Variants in NRXN3 observed in about 807,000 individuals in gnomAD.
The protein encoded by NRXN3 is neurexin 3.
NRXN3 carries 32 observed loss-of-function variants against 137.6 expected under a neutral mutation model. The ratio of observed to expected loss-of-function variants is 0.23; its 90% CI spans 0.18 to 0.31. NRXN3 has a LOEUF of 0.31. NRXN3 is among the 10% of genes least tolerant of loss of function. NRXN3 has a pLI of 1.00. For synonymous variants in NRXN3, 798 were observed against 784.5 expected (o/e 1.02, Z -0.29); for missense variants, 1,574 against 2,062.5 (o/e 0.76, Z 4.59).
chr14:79,276,503 C>T (rs2080296068), intron 15 of NRXN3, among the ~76,000 whole-genome samples: 4 of 151,988 alleles, frequency 2.6e-5, no homozygotes, highest in Admixed American at 2.6e-4. Context: ...TGACATTTTG[C>T]AAAAAGTAAA....
intron 16 of NRXN3, among the ~76,000 whole-genome samples, chr14:79,640,710 T>A (rs968202634): frequency 6.6e-5 from 9 of 136,030 alleles, no homozygotes; most frequent in African/African-American, 2.0e-4. Flanking sequence ...CGGCTTCATT[T>A]CAAGCATGGA....
At chr14:78,993,648 G>C (rs374822337) in intron 15 of NRXN3, among the ~76,000 whole-genome samples, 2 of 152,054 alleles carry the variant, frequency 1.3e-5, no homozygotes, top group East Asian at 3.9e-4. Flanking sequence ...TCATGAATAA[G>C]AGAGTTTTGT....
chr14:78,306,618 G>A (rs1300397554), intron 4 of NRXN3, among the ~76,000 whole-genome samples: 1 of 152,160 alleles, frequency 6.6e-6, no homozygotes, highest in African/African-American at 2.4e-5. Flanking sequence ...GTATATCTGA[G>A]TATAGGTACA....
At chr14:78,559,413 G>A (rs914122897) in intron 4 of NRXN3, among the ~76,000 whole-genome samples, 4 of 152,124 alleles carry the variant, frequency 2.6e-5, no homozygotes, top group Non-Finnish European at 5.9e-5. Flanking sequence ...CCACATCTTT[G>A]CATCTGTTCC....
At chr14:78,648,889 G>T (rs1225412212) in intron 5 of NRXN3, among the ~76,000 whole-genome samples, 1 of 152,088 alleles carries the variant, frequency 6.6e-6, no homozygotes, top group African/African-American at 2.4e-5. Context: ...GGTGGGAAGG[G>T]AGTGGGCGGT....
At chr14:78,188,849 A>G (rs979954819) in intron 1 of NRXN3, among the ~76,000 whole-genome samples, 1 of 152,092 alleles carries the variant, frequency 6.6e-6, no homozygotes, top group Non-Finnish European at 1.5e-5. Flanking sequence ...GTTATCAGTA[A>G]ATTATCTACT....
intron 19 of NRXN3, among the ~76,000 whole-genome samples, chr14:79,751,284 CACATCCCTTGT>C (rs2098996649): frequency 6.6e-6 from 1 of 152,138 alleles, no homozygotes. Flanking sequence ...AGAGGTCCTT[CACATCCCTTGT>C]AAGTTGGATT....
At chr14:79,066,662 C>G (rs994407931) in intron 15 of NRXN3, among the ~76,000 whole-genome samples, 1 of 151,328 alleles carries the variant, frequency 6.6e-6, no homozygotes, top group Non-Finnish European at 1.5e-5. Flanking sequence ...TTGTAATTCT[C>G]CTTAAAGAGT....
chr14:78,210,633 T>C (rs1253747063), intron 1 of NRXN3, among the ~76,000 whole-genome samples: 1 of 151,932 alleles, frequency 6.6e-6, no homozygotes, highest in Non-Finnish European at 1.5e-5. Context: ...AACATTTCCA[T>C]CACCCCCAAA....
At chr14:78,922,832 G>A (rs868488785) in intron 10 of NRXN3, among the ~76,000 whole-genome samples, 2 of 152,106 alleles carry the variant, frequency 1.3e-5, no homozygotes, top group South Asian at 2.1e-4. Context: ...AAACCTGCAT[G>A]TCCTGTACAT....
Position 79,853,439 on chromosome 14 carries a change from G to A in NRXN3, c.4094-7903G>A, listed in dbSNP as rs2099396090. On this transcript the variant is annotated intron_variant, in intron 20 of 20. Coordinates refer to ENST00000335750, the MANE Select transcript of NRXN3 (RefSeq NM_001330195.2). ...CATGTTGAAGAAGTTGCAGCTTAGG[G>A]TGTGTGAGATTGTCAGTGTTAGAGT... 4 of 383,204 alleles carry A rather than the reference G, an allele frequency of 1.0e-5. No individual in the cohort carries two copies. In the South Asian group the frequency reaches 1.1e-4, roughly 11 times the overall value. The allele number at this position is 383,204 out of a possible 1,614,324, so 23.7% of individuals were successfully genotyped here. A position where few individuals can be genotyped will look rare whatever the true frequency, so the allele number is the denominator to read the frequency against.
chr14:79,505,070 C>T (rs2096864022), intron 16 of NRXN3, among the ~76,000 whole-genome samples: 1 of 152,036 alleles, frequency 6.6e-6, no homozygotes, highest in African/African-American at 2.4e-5. Context: ...CAAAAATTAG[C>T]CAGGTGTGGT....
chr14:78,556,619 G>A (rs2096739145), intron 4 of NRXN3, among the ~76,000 whole-genome samples: 2 of 152,100 alleles, frequency 1.3e-5, no homozygotes, highest in Admixed American at 1.3e-4. Context: ...TCATTTCCAT[G>A]CACCTGCATT....
chr14:79,474,790 G>A (rs1399206834), intron 16 of NRXN3, among the ~76,000 whole-genome samples: 1 of 151,936 alleles, frequency 6.6e-6, no homozygotes, highest in African/African-American at 2.4e-5. Flanking sequence ...ATGCCACTTT[G>A]CATGAAAACA....
At chr14:79,127,315 C>G (rs896286340) in intron 15 of NRXN3, among the ~76,000 whole-genome samples, 1 of 152,066 alleles carries the variant, frequency 6.6e-6, no homozygotes, top group Non-Finnish European at 1.5e-5. Context: ...TTAGTTCTAA[C>G]GTTTAAGTCT....
chr14:78,560,547 C>T (rs990720896), intron 4 of NRXN3, among the ~76,000 whole-genome samples: 19 of 152,210 alleles, frequency 1.2e-4, no homozygotes, highest in African/African-American at 4.6e-4. Context: ...CTGGCCCTTC[C>T]AAGATGCTGA....
chr14:79,310,841 G>A lies in NRXN3; in HGVS notation c.3263-156380G>A, dbSNP rs61993063. ...GCTGAAGGAGATTTTGGGCTGAGAC[G>A]ATGGGGTTTTCTAGATAAACAATCA... On this transcript the variant is annotated intron_variant, in intron 15 of 20. Coordinates refer to ENST00000335750, the MANE Select transcript of NRXN3 (RefSeq NM_001330195.2). 4.2e-3 allele frequency among the ~76,000 whole-genome samples: 464 copies of A among 111,402 alleles called. 1 individual carries two copies. Among genetic ancestry groups the A allele is most frequent in the African/African-American group, 0.015 (341 of 22,982 alleles). The allele number at this position is 111,402 out of a possible 152,430, so 73.1% of individuals were successfully genotyped here.
intron 8 of NRXN3, among the ~76,000 whole-genome samples, chr14:78,797,230 T>A (rs1005721824): frequency 1.3e-5 from 2 of 152,164 alleles, no homozygotes; most frequent in Non-Finnish European, 2.9e-5. Context: ...AATGAACATA[T>A]GAACAAACAA....
chr14:79,096,121 T>TC (rs934491043), intron 15 of NRXN3, among the ~76,000 whole-genome samples: 5 of 151,832 alleles, frequency 3.3e-5, no homozygotes, highest in African/African-American at 1.2e-4. Flanking sequence ...TTTTTTTTTT[T>TC]TGTAGAGCCA....
Sources: gnomAD v4.1 joint callset for allele counts (sites outside exome capture counted in the v4.1 genomes callset) on GRCh38, gnomAD v4.1.1 for gene constraint, MANE v1.5 for transcripts, NCBI Gene and HGNC (gene_info 2026-07-23, HGNC 2026-07-21) for gene names.